FSTL4: variants seen among roughly 807,000 people sequenced by gnomAD.
FSTL4 encodes the protein follistatin like 4.
In FSTL4, 28 loss-of-function variants were observed where a neutral mutation model predicts 78.2. The observed-to-expected ratio is 0.36, with a 90% CI of 0.27 to 0.49. The LOEUF (loss-of-function observed/expected upper bound fraction) is 0.49, where lower values mean the gene tolerates loss of function less well. Among genes scored for constraint, FSTL4 ranks in the 20% least tolerant of loss-of-function variants. The pLI is 0.98. For missense variants in FSTL4, 922 were observed against 1,084.9 expected (o/e 0.85, Z 2.11); for synonymous variants, 422 against 440.5 (o/e 0.96, Z 0.53).
chr5:133,465,699 G>T (rs1372101185), intron 3 of FSTL4, among the ~76,000 whole-genome samples: 1 of 152,236 alleles, frequency 6.6e-6, no homozygotes, highest in African/African-American at 2.4e-5. Context: ...TCAGACTTTG[G>T]TGAGTGGCAG....
At chr5:133,743,156 T>C in the FSTL4 span, among the ~76,000 whole-genome samples, 4 of 152,180 alleles carry the variant, frequency 2.6e-5, no homozygotes, top group Middle Eastern at 3.4e-3. Context: ...TGGGCTGTTG[T>C]TGAAGGTGGG....
At chr5:133,835,103 T>TAC in the FSTL4 span, among the ~76,000 whole-genome samples, 1 of 152,290 alleles carries the variant, frequency 6.6e-6, no homozygotes, top group African/African-American at 2.4e-5. Context: ...ACCCTCCTCC[T>TAC]ACACACACAC....
chr5:133,198,655 C>A lies in FSTL4; in HGVS notation c.*440G>T, dbSNP rs138912436. 5 of 157,018 alleles carry A rather than the reference C, an allele frequency of 3.2e-5. No individual in the cohort carries two copies. The highest frequency in any genetic ancestry group is 1.9e-4 in the East Asian group (1 of 5,298). 9.7% of individuals were successfully genotyped at this position (157,018 alleles called of 1,614,324 possible). The stretch of plus-strand genomic sequence containing the variant: ...CGCGAGGACGGATGGGCTTTCAGTT[C>A]GGGAGGGAGGCCCCTGCTCCTGGTC... On this transcript the variant is annotated 3_prime_UTR_variant, in exon 16 of 16. Transcript: ENST00000265342.
chr5:133,709,550 G>A, the FSTL4 span, among the ~76,000 whole-genome samples: 1 of 152,258 alleles, frequency 6.6e-6, no homozygotes. Flanking sequence ...CTCTTGGCAT[G>A]CTGAGCAATG....
At chr5:133,266,175 G>A (rs769377698) in intron 6 of FSTL4, among the ~76,000 whole-genome samples, 3 of 152,232 alleles carry the variant, frequency 2.0e-5, no homozygotes, top group Non-Finnish European at 2.9e-5. Context: ...AGACAGTTCT[G>A]AGCATGCAGA....
intron 3 of FSTL4, among the ~76,000 whole-genome samples, chr5:133,436,615 G>A (rs1322997945): frequency 6.6e-6 from 1 of 152,084 alleles, no homozygotes; most frequent in Non-Finnish European, 1.5e-5. Flanking sequence ...CAGATGATTC[G>A]TATCTCTTCC....
chr5:133,376,412 C>A (rs73265695), intron 4 of FSTL4, among the ~76,000 whole-genome samples: 2,994 of 152,194 alleles, frequency 0.02, 87 homozygotes, highest in African/African-American at 0.068. Flanking sequence ...ATACCATTCA[C>A]AACACATTAA....
At chr5:133,376,821 G>A (rs978681711) in intron 4 of FSTL4, among the ~76,000 whole-genome samples, 2 of 151,060 alleles carry the variant, frequency 1.3e-5, no homozygotes, top group African/African-American at 2.4e-5. Context: ...ACTAGGAGGC[G>A]GAGGTTGCAG....
the FSTL4 span, among the ~76,000 whole-genome samples, chr5:133,679,674 C>T: frequency 1.1e-4 from 16 of 152,156 alleles, no homozygotes; most frequent in Non-Finnish European, 2.1e-4. Flanking sequence ...AGGCCACAGC[C>T]AGTCATCTAT....
At chr5:133,259,418 G>T (rs138402918) in intron 6 of FSTL4, among the ~76,000 whole-genome samples, 5 of 152,068 alleles carry the variant, frequency 3.3e-5, no homozygotes, top group Non-Finnish European at 7.4e-5. Flanking sequence ...GCACAGATGC[G>T]GTCAGAGGCA....
intron 11 of FSTL4, among the ~76,000 whole-genome samples, chr5:133,222,547 C>T (rs751606680): frequency 6.6e-6 from 1 of 152,190 alleles, no homozygotes; most frequent in Non-Finnish European, 1.5e-5. Flanking sequence ...CTTAGAAAAT[C>T]GGTAGTTGGA....
chr5:133,627,151 CTT>C, the FSTL4 span, among the ~76,000 whole-genome samples: 12,521 of 91,642 alleles, frequency 0.14, 288 homozygotes, highest in East Asian at 0.28. Flanking sequence ...CTCTGTGTCT[CTT>C]TTTTTTTTTT....
rs532474972 is a variant in FSTL4 at position 133,361,335 on chromosome 5, C to A, written c.409+39403G>T. 6.6e-6 allele frequency among the ~76,000 whole-genome samples: 1 copy of A among 152,176 alleles called. No individual in the cohort carries two copies. The highest frequency in any genetic ancestry group is 1.5e-5 in the Non-Finnish European group (1 of 68,040). ...CTTTGTATGTTATCTTGAGATTTCG[C>A]GGTTGACTGCGATAATCCTTTATAG... On this transcript the variant is annotated intron_variant, in intron 4 of 15. Transcript: ENST00000265342. The surrounding 1 kb of genome is among the most constrained non-coding windows in gnomAD (Gnocchi z 4.3).
the FSTL4 span, among the ~76,000 whole-genome samples, chr5:133,696,838 G>T: frequency 1.3e-5 from 2 of 151,800 alleles, no homozygotes; most frequent in African/African-American, 4.8e-5. Context: ...GTGTAGATAG[G>T]GGTCTGAAAA....
At chr5:133,790,308 A>G in the FSTL4 span, among the ~76,000 whole-genome samples, 5 of 152,274 alleles carry the variant, frequency 3.3e-5, no homozygotes, top group African/African-American at 1.2e-4. Flanking sequence ...GGGATAATTT[A>G]CTTAACCCCT....
chr5:133,742,866 G>A, the FSTL4 span, among the ~76,000 whole-genome samples: 1 of 152,102 alleles, frequency 6.6e-6, no homozygotes, highest in Non-Finnish European at 1.5e-5. Context: ...TGAATGACAG[G>A]AGCGCGCGGT....
chr5:133,840,924 T>C, the FSTL4 span, among the ~76,000 whole-genome samples: 4 of 152,362 alleles, frequency 2.6e-5, no homozygotes, highest in South Asian at 6.2e-4. Flanking sequence ...TGCAGGTTTG[T>C]GTGTGCTCCA....
At chr5:133,638,727 G>GT in the FSTL4 span, among the ~76,000 whole-genome samples, 14 of 151,482 alleles carry the variant, frequency 9.2e-5, no homozygotes, top group Admixed American at 4.6e-4. Flanking sequence ...TATTTCTTTT[G>GT]TTTTTTTTCT....
At chr5:133,734,457 A>G in the FSTL4 span, among the ~76,000 whole-genome samples, 1 of 152,246 alleles carries the variant, frequency 6.6e-6, no homozygotes, top group African/African-American at 2.4e-5. Context: ...AGCAAAAATT[A>G]AAAGAAAGAA....
Sources: gnomAD v4.1 joint callset for allele counts (sites outside exome capture counted in the v4.1 genomes callset) on GRCh38, gnomAD v4.1.1 for gene constraint, Gnocchi (gnomAD v3.1) non-coding constraint, MANE v1.5 for transcripts, NCBI Gene and HGNC (gene_info 2026-07-23, HGNC 2026-07-21) for gene names.